The following NTRK2 variants were observed in gnomAD, a reference collection of about 807,000 sequenced individuals.
NTRK2 encodes neurotrophic receptor tyrosine kinase 2.
NTRK2 carries 13 observed loss-of-function variants against 94.5 expected under a neutral mutation model. The observed-to-expected ratio is 0.14, with a 90% confidence interval of 0.09 to 0.22. The LOEUF (loss-of-function observed/expected upper bound fraction) is 0.22, where lower values mean the gene tolerates loss of function less well. Ranked by LOEUF, NTRK2 falls within the 10% of genes least tolerant of loss-of-function variation. The pLI is 1.00. For missense variants in NTRK2, 639 were observed against 1,071.2 expected, an observed-to-expected ratio of 0.60 and a Z score of 5.63; for synonymous variants, 372 against 407.4, an observed-to-expected ratio of 0.91 and a Z score of 1.05.
intron 17 of NTRK2, among the ~76,000 whole-genome samples, chr9:84,974,116 C>T (rs1826514314): frequency 6.6e-6 from 1 of 152,184 alleles, no homozygotes; most frequent in African/African-American, 2.4e-5. Context: ...TTATTAGCCA[C>T]ATGCAGACTT....
At chr9:84,868,541 C>A (rs1376755158) in intron 14 of NTRK2, among the ~76,000 whole-genome samples, 2 of 152,076 alleles carry the variant, frequency 1.3e-5, no homozygotes, top group African/African-American at 4.8e-5. Context: ...CTGGAATCCA[C>A]CAGAGATTTT....
chr9:84,995,701 A>G (rs1000864222), intron 17 of NTRK2, among the ~76,000 whole-genome samples: 4 of 152,214 alleles, frequency 2.6e-5, no homozygotes, highest in Admixed American at 1.3e-4. Flanking sequence ...ACATATATAA[A>G]GAACTAGCAA....
intron 14 of NTRK2, among the ~76,000 whole-genome samples, chr9:84,889,212 G>C (rs995795488): frequency 1.3e-5 from 2 of 149,154 alleles, no homozygotes; most frequent in African/African-American, 2.5e-5. Context: ...GGATGGTCTC[G>C]ATCTCCTGAC....
intron 12 of NTRK2, among the ~76,000 whole-genome samples, chr9:84,763,225 G>T (rs962385818): frequency 1.3e-5 from 2 of 152,096 alleles, no homozygotes; most frequent in Admixed American, 6.6e-5. Flanking sequence ...TTCCAAGAAA[G>T]GGGTCCTCAG....
At chr9:84,682,447 TTGGG>T (rs1396904722) in intron 2 of NTRK2, among the ~76,000 whole-genome samples, 1 of 152,150 alleles carries the variant, frequency 6.6e-6, no homozygotes, top group East Asian at 1.9e-4. Context: ...TCTGAAGAAG[TTGGG>T]GAGGTTTTGG....
chr9:84,982,970 A>C (rs965253535), intron 17 of NTRK2, among the ~76,000 whole-genome samples: 1 of 151,736 alleles, frequency 6.6e-6, no homozygotes, highest in African/African-American at 2.4e-5. Context: ...TCTCCTGCCT[A>C]ATTTATACCC....
At chr9:84,852,994 T>G (rs1182789841) in intron 12 of NTRK2, among the ~76,000 whole-genome samples, 1 of 152,196 alleles carries the variant, frequency 6.6e-6, no homozygotes, top group African/African-American at 2.4e-5. Flanking sequence ...CTGTTTTTTT[T>G]TTTTAATTGC....
At chr9:84,932,487 A>C (rs892935197) in intron 14 of NTRK2, among the ~76,000 whole-genome samples, 1 of 152,176 alleles carries the variant, frequency 6.6e-6, no homozygotes, top group Non-Finnish European at 1.5e-5. Flanking sequence ...ATAGGTATCC[A>C]TTTTATTATT....
rs199497838 is a variant in NTRK2, at chr9:84,727,658, A to G, written c.858A>G (p.Ala286=). 2.0e-5 allele frequency: 32 copies of G among 1,612,242 alleles called. No individual in the cohort carries two copies. Among genetic ancestry groups the G allele is most frequent in the Non-Finnish European group, 2.5e-5 (30 of 1,179,864 alleles). ...ACTCTCTCTTTTTCAATTTAGTTGCACCAACTATCACATTTCTCGAATCTC... is the reference window on the plus strand; with the variant it reads ...ACTCTCTCTTTTTCAATTTAGTTGCGCCAACTATCACATTTCTCGAATCTC... The part of the protein sequence containing the change: ...QDSVNLTVHF[A]PTITFLESPT... The change falls in exon 9 of 19, where the codon GCA becomes GCG. Residue 286 remains alanine, a synonymous_variant. Coordinates refer to ENST00000277120, the MANE Select transcript of NTRK2 (RefSeq NM_006180.6).
chr9:84,910,807 G>A (rs888661291), intron 14 of NTRK2, among the ~76,000 whole-genome samples: 4 of 152,138 alleles, frequency 2.6e-5, no homozygotes, highest in East Asian at 1.9e-4. Context: ...AATCAGGTGC[G>A]TAAGTTTTAA....
intron 6 of NTRK2, among the ~76,000 whole-genome samples, chr9:84,722,962 A>G (rs1344236775): frequency 1.3e-5 from 2 of 152,248 alleles, no homozygotes; most frequent in African/African-American, 4.8e-5. Flanking sequence ...ACTATGATTT[A>G]TATAACTTTG....
chr9:84,914,270 G>A (rs562193191), intron 14 of NTRK2, among the ~76,000 whole-genome samples: 4 of 152,148 alleles, frequency 2.6e-5, no homozygotes, highest in Non-Finnish European at 5.9e-5. Flanking sequence ...GCATTTTCAT[G>A]ATGACTGCTT....
At chr9:84,895,956 C>G (rs1007962740) in intron 14 of NTRK2, among the ~76,000 whole-genome samples, 1 of 152,194 alleles carries the variant, frequency 6.6e-6, no homozygotes, top group Non-Finnish European at 1.5e-5. Flanking sequence ...TATGTTAATT[C>G]GTAAATAAAT....
rs184690048 is a variant in NTRK2, at chr9:84,952,746, C to T, written c.1938-2537C>T. 1.8e-3 allele frequency among the ~76,000 whole-genome samples: 271 copies of T among 152,236 alleles called. 3 individuals are homozygous for T. The highest frequency in any genetic ancestry group is 1.2e-3 in the Non-Finnish European group (83 of 68,030). On this transcript the variant is annotated intron_variant, in intron 16 of 18. Transcript: ENST00000277120. ...TTACTTTAAAAATCCAGGAGTCTCC[C>T]CCAACCCACACATACTAATATAAAG...
intron 10 of NTRK2, among the ~76,000 whole-genome samples, chr9:84,742,789 GTTTTTTTTT>G (rs757253032): frequency 1.9e-5 from 2 of 103,706 alleles, no homozygotes; most frequent in Non-Finnish European, 3.6e-5. Flanking sequence ...CATTATATTA[GTTTTTTTTT>G]TTTTTTTTTT....
chr9:84,872,911 T>C, intron 14 of NTRK2: 1 of 1,065,234 alleles, frequency 9.4e-7, no homozygotes, highest in Non-Finnish European at 1.1e-6. Flanking sequence ...CACAGCCCAC[T>C]TCGTCCTTGT....
intron 12 of NTRK2, among the ~76,000 whole-genome samples, chr9:84,785,985 C>G (rs928469345): frequency 1.3e-5 from 2 of 152,152 alleles, no homozygotes; most frequent in African/African-American, 4.8e-5. Flanking sequence ...TTTATTGCAA[C>G]CTCAGTGTGA....
At chr9:84,792,379 G>A (rs763830665) in intron 12 of NTRK2, among the ~76,000 whole-genome samples, 2 of 152,148 alleles carry the variant, frequency 1.3e-5, no homozygotes, top group African/African-American at 4.8e-5. Flanking sequence ...GCTTTCTGAT[G>A]TCAGTTTCAG....
At chr9:84,978,370 A>G (rs1301444093) in intron 17 of NTRK2, among the ~76,000 whole-genome samples, 1 of 152,226 alleles carries the variant, frequency 6.6e-6, no homozygotes, top group East Asian at 1.9e-4. Flanking sequence ...TCAGTGGTCT[A>G]GATAGAAGAT....
Sources: gnomAD v4.1 joint callset for allele counts (sites outside exome capture counted in the v4.1 genomes callset) on GRCh38, gnomAD v4.1.1 for gene constraint, MANE v1.5 for transcripts, NCBI Gene and HGNC (gene_info 2026-07-23, HGNC 2026-07-21) for gene names.